LRP1B: variants seen among roughly 807,000 people sequenced by gnomAD.
The protein encoded by LRP1B is low-density lipoprotein receptor-related protein 1B.
In LRP1B, 217 loss-of-function variants were observed where a neutral mutation model predicts 556.6. The ratio of observed to expected loss-of-function variants is 0.39; its 90% CI spans 0.35 to 0.44. The LOEUF is 0.44. LRP1B is among the 20% of genes least tolerant of loss of function. The pLI is 1.00. For missense variants in LRP1B, 5,053 were observed against 5,620.8 expected, an observed-to-expected ratio of 0.90 and a Z score of 3.23; for synonymous variants, 2,047 against 1,865.8, an observed-to-expected ratio of 1.10 and a Z score of -2.50.
chr2:140,523,218 G>A (rs900172711), intron 49 of LRP1B, among the ~76,000 whole-genome samples: 45 of 151,956 alleles, frequency 3.0e-4, no homozygotes, highest in Non-Finnish European at 6.2e-4. Context: ...CTTTATTCCT[G>A]GGATTCCAGG....
In LRP1B at chr2:141,009,382, ATAAAATGCTTCT is replaced by A. The variant is rs1305678284; in HGVS notation, c.2381-3937_2381-3926del. Among the ~76,000 whole-genome samples, 3 of 151,930 alleles carry A rather than the reference ATAAAATGCTTCT, an allele frequency of 2.0e-5. No homozygotes were observed. In the East Asian group the frequency reaches 5.8e-4, roughly 29 times the overall value. Reference sequence around the variant, plus strand: ...CGATGTCAGTCAATCTGAAGAAAGGATAAAATGCTTCTTACTTTTTTTCTCTTTCAGAATCAG... The same window carrying A: ...CGATGTCAGTCAATCTGAAGAAAGGATACTTTTTTTCTCTTTCAGAATCAG... On this transcript the variant is annotated intron_variant, in intron 14 of 90. Coordinates refer to ENST00000389484, the MANE Select transcript of LRP1B (RefSeq NM_018557.3).
At position 141,470,275 on chromosome 2, in the gene LRP1B, C is replaced by T. The variant is rs536833178; in HGVS notation, c.343+10121G>A. 1.4e-4 allele frequency among the ~76,000 whole-genome samples: 22 copies of T among 152,202 alleles called. No homozygotes were observed. In the South Asian group the frequency reaches 4.6e-3, roughly 32 times the overall value. On this transcript the variant is annotated intron_variant, in intron 3 of 90. Transcript: ENST00000389484. ...TTCAAAGAGTCAAAATGAACAGTTC[C>T]CTTCCACATTCTTCACCAAATGAAA...
intron 1 of LRP1B, among the ~76,000 whole-genome samples, chr2:142,052,183 A>G (rs1290165540): frequency 6.6e-6 from 1 of 152,124 alleles, no homozygotes; most frequent in Non-Finnish European, 1.5e-5. Flanking sequence ...AAGTTAAAAA[A>G]AAAACTCAAA....
intron 3 of LRP1B, among the ~76,000 whole-genome samples, chr2:141,321,945 C>T (rs1381566303): frequency 1.3e-5 from 2 of 152,028 alleles, no homozygotes; most frequent in African/African-American, 4.8e-5. Flanking sequence ...CAATAGTATG[C>T]ACTAGAGCTT....
chr2:141,798,548 A>T (rs1281270149), intron 2 of LRP1B, among the ~76,000 whole-genome samples: 1 of 151,854 alleles, frequency 6.6e-6, no homozygotes, highest in Admixed American at 6.6e-5. Context: ...CTCTACTAAA[A>T]ATACAAAAAT....
At chr2:140,626,230 A>G (rs1683652489) in intron 41 of LRP1B, among the ~76,000 whole-genome samples, 1 of 152,198 alleles carries the variant, frequency 6.6e-6, no homozygotes, top group Non-Finnish European at 1.5e-5. Flanking sequence ...GGAAGGATAA[A>G]TAGGCAGAGC....
chr2:141,857,790 T>C (rs555178969), intron 1 of LRP1B, among the ~76,000 whole-genome samples: 8 of 152,260 alleles, frequency 5.3e-5, no homozygotes, highest in African/African-American at 1.9e-4. Context: ...CTTCTTCCTC[T>C]CCTAACTGAC....
At position 140,457,484 on chromosome 2, in the gene LRP1B, G is replaced by GAT. The variant is rs1234774970; in HGVS notation, c.9791_9792dup (p.His3265IlefsTer15). 1 of 1,613,116 alleles carries GAT rather than the reference G, an allele frequency of 6.2e-7. No individual in the cohort carries two copies. Among genetic ancestry groups the GAT allele is most frequent in the Non-Finnish European group, 8.5e-7 (1 of 1,179,198 alleles). ...TTACCATCAGGTTGTCTATAAGAAT[G>GAT]ATACACCTGGATATCTGTGATGGCA... On this transcript the variant is annotated frameshift_variant, in exon 61 of 91. Coordinates refer to ENST00000389484, the MANE Select transcript of LRP1B (RefSeq NM_018557.3). LOFTEE classifies it high-confidence loss of function.
intron 86 of LRP1B, among the ~76,000 whole-genome samples, chr2:140,263,617 G>A (rs1311638805): frequency 2.6e-5 from 4 of 151,948 alleles, no homozygotes; most frequent in East Asian, 1.9e-4. Flanking sequence ...AAGATTAATC[G>A]CTTGCAGTTT....
intron 23 of LRP1B, among the ~76,000 whole-genome samples, chr2:140,896,412 T>A (rs958662728): frequency 2.0e-5 from 3 of 150,476 alleles, no homozygotes; most frequent in African/African-American, 7.3e-5. Flanking sequence ...AAGGGAAGAG[T>A]GTAGAGAAAT....
chr2:140,908,386 ATATAT>A (rs1559187996), intron 21 of LRP1B, among the ~76,000 whole-genome samples: 3,843 of 146,622 alleles, frequency 0.026, 158 homozygotes, highest in African/African-American at 0.09. Flanking sequence ...ATATATATAT[ATATAT>A]AAAAAGAAGG....
At chr2:141,641,270 A>T (rs1041097309) in intron 2 of LRP1B, among the ~76,000 whole-genome samples, 7 of 152,120 alleles carry the variant, frequency 4.6e-5, no homozygotes, top group Non-Finnish European at 8.8e-5. Flanking sequence ...ATTTACTGAG[A>T]TCTAACCTAT....
intron 1 of LRP1B, among the ~76,000 whole-genome samples, chr2:141,862,002 T>C (rs971102099): frequency 2.0e-5 from 3 of 152,286 alleles, no homozygotes; most frequent in Admixed American, 6.5e-5. Flanking sequence ...TTCATATTGT[T>C]ACTTAGTCAT....
intron 2 of LRP1B, among the ~76,000 whole-genome samples, chr2:141,690,396 A>AATATATATAT (rs762453747): frequency 1.3e-3 from 35 of 26,768 alleles, no homozygotes; most frequent in South Asian, 1.5e-3. Flanking sequence ...TACATCTATA[A>AATATATATAT]ATATATATAT....
intron 3 of LRP1B, among the ~76,000 whole-genome samples, chr2:141,262,430 G>GA (rs1684729862): frequency 6.6e-6 from 1 of 151,746 alleles, no homozygotes; most frequent in Non-Finnish European, 1.5e-5. Flanking sequence ...CAATTTCAAA[G>GA]AAAAAAATCT....
intron 90 of LRP1B, among the ~76,000 whole-genome samples, chr2:140,234,373 A>G (rs1337587761): frequency 6.6e-6 from 1 of 151,376 alleles, no homozygotes; most frequent in Admixed American, 6.6e-5. Flanking sequence ...ATTTCTCAAT[A>G]TGATGACACA....
intron 21 of LRP1B, among the ~76,000 whole-genome samples, chr2:140,920,755 A>C (rs1234481467): frequency 1.3e-5 from 2 of 151,986 alleles, no homozygotes; most frequent in Admixed American, 1.3e-4. Flanking sequence ...ATTACCTTTC[A>C]CTTTTTCCTT....
intron 3 of LRP1B, among the ~76,000 whole-genome samples, chr2:141,265,284 G>T (rs997419735): frequency 2.0e-5 from 3 of 152,120 alleles, no homozygotes; most frequent in African/African-American, 7.2e-5. Flanking sequence ...CTACAGTTCA[G>T]GCCGCCCAGG....
At chr2:141,612,713 A>G (rs1200389525) in intron 2 of LRP1B, among the ~76,000 whole-genome samples, 1 of 152,226 alleles carries the variant, frequency 6.6e-6, no homozygotes, top group African/African-American at 2.4e-5. Flanking sequence ...GGAGAGTACT[A>G]TAGGTTCAAC....
Sources: allele counts gnomAD v4.1 joint callset (sites outside exome capture counted in the v4.1 genomes callset), GRCh38; gene constraint gnomAD v4.1.1; transcripts MANE v1.5; gene names NCBI Gene and HGNC (gene_info 2026-07-23, HGNC 2026-07-21).